PLXNC1: variants seen among roughly 807,000 people sequenced by gnomAD.
PLXNC1 encodes plexin C1, also known as plexin-C1.
PLXNC1 carries 75 observed loss-of-function variants against 178.2 expected under a neutral mutation model. The observed-to-expected ratio is 0.42, with a 90% CI of 0.35 to 0.51. The LOEUF (loss-of-function observed/expected upper bound fraction) is 0.51. Among genes scored for constraint, PLXNC1 ranks in the 20% least tolerant of loss-of-function variants. PLXNC1 has a pLI of 0.02. For missense variants in PLXNC1, 1,503 were observed against 1,984.4 expected, an observed-to-expected ratio of 0.76 and a Z score of 4.61; for synonymous variants, 790 against 779.9, an observed-to-expected ratio of 1.01 and a Z score of -0.22.
At chr12:94,152,729 C>T (rs1195941747) in intron 1 of PLXNC1, among the ~76,000 whole-genome samples, 1 of 152,186 alleles carries the variant, frequency 6.6e-6, no homozygotes, top group Non-Finnish European at 1.5e-5. Flanking sequence ...TCTCCCTCTC[C>T]TCCTAGCTGG....
chr12:94,150,321 C>G (rs1960910626), intron 1 of PLXNC1, among the ~76,000 whole-genome samples: 1 of 152,220 alleles, frequency 6.6e-6, no homozygotes, highest in Non-Finnish European at 1.5e-5. Flanking sequence ...CCATCCTTCC[C>G]TGTCCAAACG....
intron 3 of PLXNC1, among the ~76,000 whole-genome samples, chr12:94,184,941 G>A (rs777736029): frequency 1.3e-5 from 2 of 152,304 alleles, no homozygotes; most frequent in Non-Finnish European, 1.5e-5. Flanking sequence ...TTCAGTCTGA[G>A]GTTTTATGTT....
At position 94,268,612 on chromosome 12, in the gene PLXNC1, T is replaced by TTTTA. The variant is rs148991956; in HGVS notation, c.3597+3387_3597+3388insTTTA. Reference sequence around the variant, plus strand: ...CCTTTTTTTTTTTTTTTTTTTTTTTTAATTTAAGGAATACCACTCTAGTGC... The same window carrying TTTTA: ...CCTTTTTTTTTTTTTTTTTTTTTTTTTTTAAATTTAAGGAATACCACTCTAGTGC... On this transcript the variant is annotated intron_variant, in intron 21 of 30. Coordinates refer to ENST00000258526, the MANE Select transcript of PLXNC1 (RefSeq NM_005761.3). Among the ~76,000 whole-genome samples, 876 of 130,632 alleles carry TTTTA rather than the reference T, an allele frequency of 6.7e-3. 10 individuals are homozygous for TTTTA. Among genetic ancestry groups the TTTTA allele is most frequent in the African/African-American group, 0.016 (528 of 33,214 alleles). The allele number at this position is 130,632 out of a possible 152,430, so 85.7% of individuals were successfully genotyped here.
intron 4 of PLXNC1, among the ~76,000 whole-genome samples, chr12:94,188,017 A>G (rs1023589936): frequency 5.9e-5 from 9 of 151,936 alleles, no homozygotes; most frequent in African/African-American, 2.2e-4. Flanking sequence ...GGAAGAGGAA[A>G]AACTGGAGAG....
At chr12:94,173,802 C>T (rs567132603) in intron 2 of PLXNC1, among the ~76,000 whole-genome samples, 18 of 152,240 alleles carry the variant, frequency 1.2e-4, no homozygotes, top group African/African-American at 4.1e-4. Context: ...AAGAAGGGGC[C>T]GAGAACCCTG....
chr12:94,229,091 A>G (rs1176044015), intron 9 of PLXNC1, among the ~76,000 whole-genome samples: 2 of 152,182 alleles, frequency 1.3e-5, no homozygotes, highest in African/African-American at 2.4e-5. Flanking sequence ...GTTTGATAGT[A>G]GCCATCCTAA....
chr12:94,304,125 T>A, intron 30 of PLXNC1, 74 bp downstream of exon 30: 1 of 957,810 alleles, frequency 1.0e-6, no homozygotes, highest in East Asian at 2.6e-5. Context: ...TCTGTCAGTT[T>A]CAGAACAGCT....
At chr12:94,239,965 G>A (rs1419228815) in intron 10 of PLXNC1, among the ~76,000 whole-genome samples, 1 of 152,174 alleles carries the variant, frequency 6.6e-6, no homozygotes, top group Non-Finnish European at 1.5e-5. Flanking sequence ...AGAGAGATGA[G>A]TGTAATGAAC....
chr12:94,177,199 A>G (rs1158003212), intron 2 of PLXNC1, among the ~76,000 whole-genome samples: 5 of 26,038 alleles, frequency 1.9e-4, no homozygotes, highest in African/African-American at 3.3e-4. Flanking sequence ...ATATATATAT[A>G]CGTATATATA....
chr12:94,182,441 AAAG>A (rs1179538921), intron 3 of PLXNC1, among the ~76,000 whole-genome samples: 241 of 145,978 alleles, frequency 1.7e-3, no homozygotes, highest in African/African-American at 6.0e-3. Flanking sequence ...AAAAAAAAAA[AAAG>A]GCTGGGCATG....
At chr12:94,189,064 G>C (rs1414987908) in intron 4 of PLXNC1, among the ~76,000 whole-genome samples, 1 of 152,224 alleles carries the variant, frequency 6.6e-6, no homozygotes, top group Non-Finnish European at 1.5e-5. Flanking sequence ...GGGCCCACTT[G>C]AGGTTGATGG....
intron 23 of PLXNC1, among the ~76,000 whole-genome samples, chr12:94,287,413 T>G (rs1439250571): frequency 6.6e-6 from 1 of 152,102 alleles, no homozygotes; most frequent in Non-Finnish European, 1.5e-5. Context: ...GGCAGGGTGG[T>G]TTCTCTGGAG....
intron 21 of PLXNC1, among the ~76,000 whole-genome samples, chr12:94,276,372 T>C (rs1048072815): frequency 1.4e-5 from 2 of 148,034 alleles, no homozygotes; most frequent in Non-Finnish European, 3.0e-5. Context: ...CACCCACCCC[T>C]CCCACTGGTG....
chr12:94,228,549 G>A lies in PLXNC1; in HGVS notation c.1980+1314G>A, dbSNP rs148437961. Among the ~76,000 whole-genome samples, 152 of 152,204 alleles carry A rather than the reference G, an allele frequency of 1.0e-3. 1 individual carries two copies. In the East Asian group the frequency reaches 0.026, roughly 26 times the overall value. Reference sequence around the variant, plus strand: ...CTTGCAAAACTGAAACTCTATGCTCGTTAAATAATAACTCTTCATCTCTCC... The same window carrying A: ...CTTGCAAAACTGAAACTCTATGCTCATTAAATAATAACTCTTCATCTCTCC... On this transcript the variant is annotated intron_variant, in intron 9 of 30. Transcript: ENST00000258526.
At chr12:94,289,145 T>C (rs1400880300) in intron 23 of PLXNC1, among the ~76,000 whole-genome samples, 1 of 152,214 alleles carries the variant, frequency 6.6e-6, no homozygotes, top group Non-Finnish European at 1.5e-5. Flanking sequence ...ATAAACATGG[T>C]ATCTTATAAA....
intron 4 of PLXNC1, among the ~76,000 whole-genome samples, chr12:94,190,803 A>G (rs1565801978): frequency 6.6e-6 from 1 of 152,160 alleles, no homozygotes; most frequent in Non-Finnish European, 1.5e-5. Flanking sequence ...ATTTAAGACT[A>G]TGCTAAGCAT....
intron 17 of PLXNC1, among the ~76,000 whole-genome samples, chr12:94,258,284 T>G (rs920807506): frequency 2.0e-5 from 3 of 151,986 alleles, no homozygotes; most frequent in Non-Finnish European, 4.4e-5. Context: ...GGTCTGGGGG[T>G]TTTTTTGGTT....
chr12:94,221,511 A>G (rs1328752411), intron 6 of PLXNC1, among the ~76,000 whole-genome samples: 1 of 152,194 alleles, frequency 6.6e-6, no homozygotes, highest in African/African-American at 2.4e-5. Flanking sequence ...CTAGAAGTAG[A>G]GTTGAGTTCA....
At chr12:94,266,581 TAAC>T (rs961701617) in intron 21 of PLXNC1, among the ~76,000 whole-genome samples, 1 of 152,224 alleles carries the variant, frequency 6.6e-6, no homozygotes, top group African/African-American at 2.4e-5. Context: ...GGGTGCTGCT[TAAC>T]AACTGTTGGT....
Sources: allele counts gnomAD v4.1 joint callset (sites outside exome capture counted in the v4.1 genomes callset), GRCh38; gene constraint gnomAD v4.1.1; transcripts MANE v1.5; gene names NCBI Gene and HGNC (gene_info 2026-07-23, HGNC 2026-07-21).